SDK2: variants seen among roughly 807,000 people sequenced by gnomAD.
SDK2 encodes protein sidekick-2.
Under a neutral mutation model 253.9 loss-of-function variants are expected in SDK2, and 105 were observed. The observed-to-expected ratio is 0.41, with a 90% CI of 0.35 to 0.49. The LOEUF (loss-of-function observed/expected upper bound fraction) is 0.49. SDK2 is among the 20% of genes least tolerant of loss of function. The pLI is 0.06. For missense variants in SDK2, 2,608 were observed against 3,003.0 expected (o/e 0.87, Z 3.07); for synonymous variants, 1,249 against 1,234.9 (o/e 1.01, Z -0.24).
At chr17:73,540,096 T>C (rs2044843716) in intron 1 of SDK2, among the ~76,000 whole-genome samples, 1 of 151,914 alleles carries the variant, frequency 6.6e-6, no homozygotes, top group East Asian at 1.9e-4. Flanking sequence ...TGAGCCACGG[T>C]ACCCAGGAGG....
chr17:73,518,310 TGGGCATC>T (rs367985202), intron 1 of SDK2: 23,837 of 152,288 alleles, frequency 0.16, 2,308 homozygotes, highest in Admixed American at 0.23. Flanking sequence ...TGTGTTTCCC[TGGGCATC>T]ATTCTGTAAC....
At chr17:73,414,791 AG>A in intron 17 of SDK2, 32 bp from the exon 18 acceptor site, 2 of 1,342,562 alleles carry the variant, frequency 1.5e-6, no homozygotes, top group Non-Finnish European at 2.1e-6. Flanking sequence ...GGTGGGGTGG[AG>A]GGGGCCCAGT....
intron 34 of SDK2, 61 bp downstream of exon 34, chr17:73,380,833 C>A: frequency 1.4e-6 from 2 of 1,435,188 alleles, no homozygotes; most frequent in Non-Finnish European, 1.9e-6. Flanking sequence ...CAAGGAGGCC[C>A]CACTCCCAAT....
At chr17:73,492,222 T>A (rs2063810678) in intron 2 of SDK2, among the ~76,000 whole-genome samples, 1 of 152,136 alleles carries the variant, frequency 6.6e-6, no homozygotes, top group African/African-American at 2.4e-5. Context: ...CCAGGGGGAA[T>A]AATAATCCCG....
chr17:73,402,930 T>C (rs1416268057), intron 18 of SDK2, among the ~76,000 whole-genome samples: 2 of 152,128 alleles, frequency 1.3e-5, no homozygotes. Context: ...CCAGAGTAGA[T>C]GGGATTACAG....
At chr17:73,404,390 G>A (rs1374321311) in intron 18 of SDK2, among the ~76,000 whole-genome samples, 1 of 152,126 alleles carries the variant, frequency 6.6e-6, no homozygotes, top group Non-Finnish European at 1.5e-5. Context: ...AAAGGGATTG[G>A]GCTCTGGGCA....
At chr17:73,626,930 A>G (rs3751914) in intron 1 of SDK2, among the ~76,000 whole-genome samples, 50,630 of 151,896 alleles carry the variant, frequency 0.33, 8,541 homozygotes, top group South Asian at 0.37. Flanking sequence ...TCACCCTGTG[A>G]CCCCTTCTCC....
intron 1 of SDK2, among the ~76,000 whole-genome samples, chr17:73,589,520 G>A (rs2045652542): frequency 6.6e-6 from 1 of 152,216 alleles, no homozygotes; most frequent in Non-Finnish European, 1.5e-5. Flanking sequence ...GTGAAGCTTG[G>A]CCAAGCTGCT....
chr17:73,508,329 A>G (rs530463332), intron 1 of SDK2, among the ~76,000 whole-genome samples: 21 of 152,368 alleles, frequency 1.4e-4, no homozygotes, highest in African/African-American at 4.8e-4. Flanking sequence ...GAGACCGTGA[A>G]TTTCGCCCCA....
At chr17:73,595,207 G>A (rs1281417696) in intron 1 of SDK2, among the ~76,000 whole-genome samples, 1 of 151,694 alleles carries the variant, frequency 6.6e-6, no homozygotes, top group African/African-American at 2.4e-5. Context: ...AAGGTGAGGA[G>A]GAGGAGGAGG....
intron 4 of SDK2, among the ~76,000 whole-genome samples, chr17:73,449,476 C>T (rs970072452): frequency 6.6e-6 from 1 of 152,116 alleles, no homozygotes; most frequent in African/African-American, 2.4e-5. Context: ...CTGGTTTTCG[C>T]CCCACTCTCT....
At chr17:73,424,266 G>T (rs1282188157) in intron 12 of SDK2, among the ~76,000 whole-genome samples, 174 bp from the exon 13 acceptor site, 1 of 152,198 alleles carries the variant, frequency 6.6e-6, no homozygotes, top group Non-Finnish European at 1.5e-5. Context: ...AGGCCAAACA[G>T]TCTGGAAGCC....
intron 1 of SDK2, among the ~76,000 whole-genome samples, chr17:73,586,177 G>A (rs550637783): frequency 1.3e-5 from 2 of 152,268 alleles, no homozygotes; most frequent in African/African-American, 4.8e-5. Flanking sequence ...TGGATAAGGT[G>A]TTAGCTCTCC....
At chr17:73,486,704 G>A (rs1215490997) in intron 2 of SDK2, among the ~76,000 whole-genome samples, 1 of 152,078 alleles carries the variant, frequency 6.6e-6, no homozygotes, top group African/African-American at 2.4e-5. Flanking sequence ...TGTACCCAGT[G>A]GAGTGCAGTC....
At chr17:73,432,835 T>C (rs746460665) in intron 10 of SDK2, among the ~76,000 whole-genome samples, 1 of 151,670 alleles carries the variant, frequency 6.6e-6, no homozygotes, top group Non-Finnish European at 1.5e-5. Flanking sequence ...CGTGTGCATG[T>C]ATGTGTGTGC....
intron 1 of SDK2, among the ~76,000 whole-genome samples, chr17:73,515,720 C>T (rs543248334): frequency 1.1e-3 from 167 of 152,338 alleles, no homozygotes; most frequent in Middle Eastern, 3.4e-3. Context: ...GCCCTGCTCC[C>T]GAGGAACCAC....
In SDK2 at chr17:73,379,289, G is replaced by A; in HGVS notation, c.4868C>T (p.Pro1623Leu). 6.4e-7 allele frequency: 1 copy of A among 1,553,618 alleles called. No homozygotes were observed. Among genetic ancestry groups the A allele is most frequent in the Non-Finnish European group, 8.7e-7 (1 of 1,147,948 alleles). Residue 1623 changes from proline (P) to leucine (L), a missense_variant, in exon 36 of 45, where the codon CCC (proline) becomes CTC (leucine). Pro to Leu is a moderately conservative substitution (Grantham distance 98). Transcript: ENST00000392650. This position sits in a 1 kb window ranked among gnomAD's most constrained non-coding sequence, Gnocchi z 4.5. ...GACCACGTTACGAGGTGCTGCTGTG[G>A]GCACTGGAGGGCGTGCAGGGTAGGC... ...PQEVFVGEAV[P>L]TAAPRNVVVH...
chr17:73,399,050 G>A (rs886140968), intron 22 of SDK2, 118 bp downstream of exon 22: 1 of 957,538 alleles, frequency 1.0e-6, no homozygotes, highest in African/African-American at 1.6e-5. Context: ...GGAGTATAAT[G>A]GGCCATTGAG....
At chr17:73,627,237 T>G (rs1390360708) in intron 1 of SDK2, among the ~76,000 whole-genome samples, 4 of 152,234 alleles carry the variant, frequency 2.6e-5, no homozygotes, top group Non-Finnish European at 5.9e-5. Context: ...TTCCTCTAAA[T>G]GCACATTGTT....
Sources: gnomAD v4.1 joint callset for allele counts (sites outside exome capture counted in the v4.1 genomes callset) on GRCh38, gnomAD v4.1.1 for gene constraint, Gnocchi (gnomAD v3.1) non-coding constraint, MANE v1.5 for transcripts, NCBI Gene and HGNC (gene_info 2026-07-23, HGNC 2026-07-21) for gene names.